Variants in ZNF813 observed in about 807,000 individuals in gnomAD.
The protein encoded by ZNF813 is zinc finger protein 813.
In ZNF813, 3 loss-of-function variants were observed where a neutral mutation model predicts 7.2. The ratio of observed to expected loss-of-function variants is 0.42; its 90% CI spans 0.19 to 1.08. ZNF813 has a LOEUF of 1.08. ZNF813 is among the 50% of genes least tolerant of loss of function. The pLI is 0.30. For synonymous variants in ZNF813, 227 were observed against 256.3 expected, an observed-to-expected ratio of 0.89 and a Z score of 1.09; for missense variants, 714 against 753.3, an observed-to-expected ratio of 0.95 and a Z score of 0.61.
intron 1 of ZNF813, among the ~76,000 whole-genome samples, chr19:53,477,432 C>T (rs1197164873): frequency 2.1e-5 from 3 of 141,794 alleles, no homozygotes; most frequent in African/African-American, 7.5e-5. Context: ...AGCTAACCCA[C>T]GTGGGTTGTC....
Position 53,491,047 on chromosome 19 carries a change from G to T in ZNF813, c.815G>T (p.Arg272Met). The change falls in exon 4 of 4, where the codon AGG (arginine) becomes ATG (methionine). Residue 272 changes from arginine (R) to methionine (M), a missense_variant. Transcript: ENST00000396403. ...TGTCACACTGGGGAGAAACCTTACA[G>T]GTGTAATGAGTGTGGCAAGACTTTC... ...RRCHTGEKPY[R>M]CNECGKTFSQ... 1 of 1,614,100 alleles carries T rather than the reference G, an allele frequency of 6.2e-7. No individual in the cohort carries two copies. Among genetic ancestry groups the T allele is most frequent in the Non-Finnish European group, 8.5e-7 (1 of 1,179,998 alleles).
rs764004935 is a variant in ZNF813, at chr19:53,491,850, C to T, written c.1618C>T (p.His540Tyr). 2.5e-6 allele frequency: 4 copies of T among 1,611,200 alleles called. No homozygotes were observed. Among genetic ancestry groups the T allele is most frequent in the Non-Finnish European group, 3.4e-6 (4 of 1,179,220 alleles). Reference protein sequence around the residue: ...KVFNRKTHLAHHHRLHTGDKP... With the variant: ...KVFNRKTHLAYHHRLHTGDKP... ...TTTTAATCGAAAAACACACCTTGCA[C>T]ATCATCATAGACTTCATACTGGAGA... The change falls in exon 4 of 4, where the codon CAT becomes TAT. Residue 540 changes from histidine (H) to tyrosine (Y), a missense_variant. By Grantham distance (83) the His-to-Tyr change is moderately conservative. Transcript: ENST00000396403.
At chr19:53,488,612 C>G (rs973098678) in intron 3 of ZNF813, among the ~76,000 whole-genome samples, 1 of 145,130 alleles carries the variant, frequency 6.9e-6, no homozygotes, top group Non-Finnish European at 1.5e-5. Flanking sequence ...GAGGTGGAGG[C>G]AGGATTTCAT....
rs141636583 is a variant in ZNF813, at chr19:53,486,869, T to G, written c.142+111T>G. Reference sequence around the variant, plus strand: ...TGTCACCCAGGGTGGAGTGAAATGGTGTGATCATGGCTCACTGCGATCTTG... The same window carrying G: ...TGTCACCCAGGGTGGAGTGAAATGGGGTGATCATGGCTCACTGCGATCTTG... On this transcript the variant is annotated intron_variant, in intron 3 of 3. Transcript: ENST00000396403. 4 of 1,562,364 alleles carry G rather than the reference T, an allele frequency of 2.6e-6. No individual in the cohort carries two copies. The African/African-American group carries it at 4.1e-5, about 16-fold the overall frequency.
At position 53,492,465 on chromosome 19, in the gene ZNF813, T is replaced by C; in HGVS notation, c.*379T>C. The C allele has an allele frequency of 2.4e-6, 1 of 421,524 alleles. No homozygotes were observed. The highest frequency in any genetic ancestry group is 4.6e-6 in the Non-Finnish European group (1 of 215,700). The allele number at this position is 421,524 out of a possible 1,614,324, so 26.1% of individuals were successfully genotyped here. Reference sequence around the variant, plus strand: ...ATACTGCAGAGAAACCATAAAATTGTAAGAGTTCGTGACAAGGCTTTCGGG... The same window carrying C: ...ATACTGCAGAGAAACCATAAAATTGCAAGAGTTCGTGACAAGGCTTTCGGG... On this transcript the variant is annotated 3_prime_UTR_variant, in exon 4 of 4. Transcript: ENST00000396403.
intron 3 of ZNF813, among the ~76,000 whole-genome samples, chr19:53,488,055 G>C (rs67629438): frequency 0.1 from 15,425 of 152,084 alleles, 895 homozygotes; most frequent in Middle Eastern, 0.2. Flanking sequence ...ATGAAGTTTT[G>C]TTCTTGTCGC....
intron 1 of ZNF813, among the ~76,000 whole-genome samples, chr19:53,479,136 T>C (rs2086395497): frequency 6.6e-6 from 1 of 152,174 alleles, no homozygotes; most frequent in South Asian, 2.1e-4. Context: ...GGTTTCACCA[T>C]GTTGGCCAGG....
At chr19:53,470,793 T>G (rs1355443763) in intron 1 of ZNF813, among the ~76,000 whole-genome samples, 1 of 151,728 alleles carries the variant, frequency 6.6e-6, no homozygotes, top group Non-Finnish European at 1.5e-5. Context: ...AGCAATTAGT[T>G]AGATTAAACT....
At chr19:53,475,027 G>C (rs2147155461) in intron 1 of ZNF813, among the ~76,000 whole-genome samples, 1 of 152,200 alleles carries the variant, frequency 6.6e-6, no homozygotes, top group East Asian at 1.9e-4. Context: ...CTTGCCATTT[G>C]GTGCCCTCTG....
At chr19:53,482,219 T>A (rs1213688836) in intron 1 of ZNF813, among the ~76,000 whole-genome samples, 1 of 152,134 alleles carries the variant, frequency 6.6e-6, no homozygotes, top group Non-Finnish European at 1.5e-5. Flanking sequence ...TGCAAAAGAA[T>A]GGAAGAAACA....
rs2086463766 is a variant in ZNF813 at position 53,491,715 on chromosome 19, T to TA, written c.1484dup (p.Tyr495Ter). The TA allele has an allele frequency of 6.4e-7, 1 of 1,573,596 alleles. No homozygotes were observed. The highest frequency in any genetic ancestry group is 8.7e-7 in the Non-Finnish European group (1 of 1,149,914). Residue 495 changes from tyrosine to a stop codon, truncating the protein, a stop_gained and frameshift_variant, in exon 4 of 4, where the codon TAC (tyrosine) becomes TAAC (stop). Coordinates refer to ENST00000396403, the MANE Select transcript of ZNF813 (RefSeq NM_001004301.4). LOFTEE classifies it low-confidence loss of function (END_TRUNC). ...GGCAATTCATACTGGAGAGAAACCT[T>TA]ACAAGTGTAATGAATGTGGCAAGGG... ...HTAIHTGEKP[Y>*]KCNECGKGFN...
intron 1 of ZNF813, among the ~76,000 whole-genome samples, chr19:53,472,021 C>G (rs34655430): frequency 4.6e-5 from 7 of 151,860 alleles, no homozygotes; most frequent in Admixed American, 2.6e-4. Context: ...ATGATGCTCT[C>G]GTAACTTCTA....
intron 1 of ZNF813, among the ~76,000 whole-genome samples, chr19:53,478,429 T>G (rs1295917805): frequency 6.6e-6 from 1 of 152,028 alleles, no homozygotes; most frequent in Admixed American, 6.6e-5. Flanking sequence ...GCCTTGGCCT[T>G]CCGAAATACT....
At chr19:53,488,358 T>C in intron 3 of ZNF813, 3 of 392,854 alleles carry the variant, frequency 7.6e-6, no homozygotes, top group South Asian at 3.6e-5. Flanking sequence ...TGGAGAACTT[T>C]ATATATATTT....
At chr19:53,477,328 G>A (rs1341705659) in intron 1 of ZNF813, among the ~76,000 whole-genome samples, 6 of 152,152 alleles carry the variant, frequency 3.9e-5, no homozygotes, top group African/African-American at 1.4e-4. Context: ...GCTTGCAGAT[G>A]CCCTGTATGG....
intron 1 of ZNF813, among the ~76,000 whole-genome samples, chr19:53,483,433 G>A (rs1185578828): frequency 6.6e-6 from 1 of 151,968 alleles, no homozygotes. Flanking sequence ...AGAGATCTAC[G>A]CACCTCGGCC....
At chr19:53,473,305 G>C (rs887776643) in intron 1 of ZNF813, among the ~76,000 whole-genome samples, 1 of 152,082 alleles carries the variant, frequency 6.6e-6, no homozygotes, top group African/African-American at 2.4e-5. Flanking sequence ...GTCCCCTCCA[G>C]CTTCAGCTGT....
At position 53,468,115 on chromosome 19, in the gene ZNF813, C is replaced by T. The variant is rs763722606; in HGVS notation, c.-74+326C>T. 2.7e-4 allele frequency among the ~76,000 whole-genome samples: 41 copies of T among 152,254 alleles called. 2 individuals carry two copies. In the East Asian group the frequency reaches 8.0e-3, roughly 30 times the overall value. On this transcript the variant is annotated intron_variant, in intron 1 of 3. Transcript: ENST00000396403. ...CCAAGGGGTGGATTCTCGCCCACTTCGGCCGGTGGAGCGCAGAACCGCGGC... is the reference window on the plus strand; with the variant it reads ...CCAAGGGGTGGATTCTCGCCCACTTTGGCCGGTGGAGCGCAGAACCGCGGC...
At chr19:53,480,208 C>G (rs371468799) in intron 1 of ZNF813, 2 of 756,418 alleles carry the variant, frequency 2.6e-6, no homozygotes, top group Non-Finnish European at 4.9e-6. Flanking sequence ...AGGCTGCTTT[C>G]TCCTCTCACC....
Sources: gnomAD v4.1 joint callset for allele counts (sites outside exome capture counted in the v4.1 genomes callset) on GRCh38, gnomAD v4.1.1 for gene constraint, MANE v1.5 for transcripts, NCBI Gene and HGNC (gene_info 2026-07-23, HGNC 2026-07-21) for gene names.